USP19: variants seen among roughly 807,000 people sequenced by gnomAD.
The protein encoded by USP19 is ubiquitin specific peptidase 19, also known as ubiquitin carboxyl-terminal hydrolase 19.
In USP19, 40 loss-of-function variants were observed where a neutral mutation model predicts 144.8. The observed-to-expected ratio is 0.28, with a 90% CI of 0.21 to 0.36. USP19 has a LOEUF of 0.36. Among genes scored for constraint, USP19 ranks in the 10% least tolerant of loss-of-function variants. USP19 has a pLI of 1.00. For missense variants in USP19, 1,518 were observed against 1,822.5 expected (o/e 0.83, Z 3.04); for synonymous variants, 701 against 709.3 (o/e 0.99, Z 0.19).
At chr3:49,109,221 G>T (rs1350898571) in intron 26 of USP19, 17 of 1,452,978 alleles carry the variant, frequency 1.2e-5, no homozygotes, top group Middle Eastern at 1.8e-4. Context: ...GCACCCCGGG[G>T]GTGGGGAGGA....
rs770537517 is a variant in USP19, at chr3:49,112,074, A to G, written c.2766-26T>C. 1 of 1,612,474 alleles carries G rather than the reference A, an allele frequency of 6.2e-7. No individual in the cohort carries two copies. Among genetic ancestry groups the G allele is most frequent in the East Asian group, 2.2e-5 (1 of 44,866 alleles). The stretch of plus-strand genomic sequence containing the variant: ...CTGACGGGAAGAGGAAGACAAGGAT[A>G]GGCCCTTAGCCCCATCTCCTATGAC... On this transcript the variant is annotated intron_variant, in intron 19 of 26. Coordinates refer to ENST00000417901, the MANE Select transcript of USP19 (RefSeq NM_001199161.2). This position sits in a 1 kb window ranked among gnomAD's most constrained non-coding sequence, Gnocchi z 4.9.
Position 49,117,021 on chromosome 3 carries a change from C to T in USP19, c.909+38G>A, listed in dbSNP as rs763417597. On this transcript the variant is annotated intron_variant, in intron 6 of 26. Transcript: ENST00000417901. The surrounding 1 kb of genome is among the most constrained non-coding windows in gnomAD (Gnocchi z 4.4). ...CCCACTCCAGTGCACACCCTTTCCC[C>T]CCATCTCCTAACACCCAAACAGGTG... 10 of 1,535,934 alleles carry T rather than the reference C, an allele frequency of 6.5e-6. No homozygotes were observed. Among genetic ancestry groups the T allele is most frequent in the Non-Finnish European group, 8.8e-6 (10 of 1,137,900 alleles).
rs1273594949 is a variant in USP19, at chr3:49,111,199, T to C, written c.3329-33A>G. ...TTCGCAGGGAGAGAGGTCATGCAGC[T>C]GTGGAGAACAGCCAGCTCAACCCAC... On this transcript the variant is annotated intron_variant, in intron 22 of 26. Coordinates refer to ENST00000417901, the MANE Select transcript of USP19 (RefSeq NM_001199161.2). The surrounding 1 kb of genome is among the most constrained non-coding windows in gnomAD (Gnocchi z 5.9). The C allele has an allele frequency of 6.2e-7, 1 of 1,614,036 alleles. No homozygotes were observed. The highest frequency in any genetic ancestry group is 8.5e-7 in the Non-Finnish European group (1 of 1,180,000).
At position 49,112,621 on chromosome 3, in the gene USP19, C is replaced by T. The variant is rs775782709; in HGVS notation, c.2514G>A (p.Lys838=). 4 of 1,612,748 alleles carry T rather than the reference C, an allele frequency of 2.5e-6. No homozygotes were observed. In the Admixed American group the frequency reaches 6.7e-5, roughly 27 times the overall value. Residue 838 remains lysine, a synonymous_variant, in exon 18 of 27, where the codon AAG becomes AAA. Coordinates refer to ENST00000417901, the MANE Select transcript of USP19 (RefSeq NM_001199161.2). This position sits in a 1 kb window ranked among gnomAD's most constrained non-coding sequence, Gnocchi z 4.9. The part of the protein sequence containing the change: ...PENLRLAEVI[K]NRFHRVFLPS... ...GTAGGAACACACGATGAAAACGATTCTTAATTACCTGGGGACAGAGAACAC... is the reference window on the plus strand; with the variant it reads ...GTAGGAACACACGATGAAAACGATTTTTAATTACCTGGGGACAGAGAACAC...
rs1456067752 is a variant in USP19 at position 49,116,919 on chromosome 3, T to C, written c.934A>G (p.Ile312Val). 5 of 1,613,926 alleles carry C rather than the reference T, an allele frequency of 3.1e-6. No individual in the cohort carries two copies. Among genetic ancestry groups the C allele is most frequent in the Admixed American group, 1.7e-5 (1 of 60,022 alleles). ...TQVEADEQLCIPPLNSQTCLL... is the reference protein window; with the variant it reads ...TQVEADEQLCVPPLNSQTCLL... The stretch of plus-strand genomic sequence containing the variant: ...CAGGTTTGGGAGTTCAGCGGTGGTA[T>C]GCAAAGCTGTTCATCAGCCTCAACC... Residue 312 changes from isoleucine to valine, a missense_variant, in exon 7 of 27, where the codon ATA (isoleucine) becomes GTA (valine). Ile to Val is a conservative substitution (Grantham distance 29). Transcript: ENST00000417901. This position sits in a 1 kb window ranked among gnomAD's most constrained non-coding sequence, Gnocchi z 5.0.
rs1483660913 is a variant in USP19, at chr3:49,111,443, C to T, written c.3217+57G>A. On this transcript the variant is annotated intron_variant, in intron 21 of 26. Coordinates refer to ENST00000417901, the MANE Select transcript of USP19 (RefSeq NM_001199161.2). This position sits in a 1 kb window ranked among gnomAD's most constrained non-coding sequence, Gnocchi z 5.9. ...GCCCACCAGGCCCTAAACAACAGCC[C>T]CCTCCATCCTCCCTTATCCTCCTCC... 2 of 1,612,904 alleles carry T rather than the reference C, an allele frequency of 1.2e-6. No individual in the cohort carries two copies. Among genetic ancestry groups the T allele is most frequent in the African/African-American group, 2.7e-5 (2 of 74,904 alleles).
chr3:49,110,647 G>A lies in USP19; in HGVS notation c.3699-43C>T, dbSNP rs141267319. ...TCAGGGAGGGGTGAGACAGGCAACA[G>A]GCGCTCAGGATGCCCATCCTGGTCC... On this transcript the variant is annotated intron_variant, in intron 24 of 26. Transcript: ENST00000417901. This position sits in a 1 kb window ranked among gnomAD's most constrained non-coding sequence, Gnocchi z 6.1. The A allele has an allele frequency of 1.3e-3, 2,161 of 1,611,728 alleles. 29 individuals are homozygous for A. The African/African-American group carries it at 0.025, about 19-fold the overall frequency.
In USP19 at chr3:49,115,828, TCTC is replaced by T. The variant is rs930311418; in HGVS notation, c.1585_1587del (p.Glu529del). 1 of 1,613,728 alleles carries T rather than the reference TCTC, an allele frequency of 6.2e-7. No homozygotes were observed. Among genetic ancestry groups the T allele is most frequent in the African/African-American group, 1.3e-5 (1 of 74,916 alleles). On this transcript the variant is annotated inframe_deletion, in exon 11 of 27. Transcript: ENST00000417901. This position sits in a 1 kb window ranked among gnomAD's most constrained non-coding sequence, Gnocchi z 6.6. ...TCAGATCGTGCCTTGGATTTATCCTTCTCCACAGCCCGGGCCTCCTCCTGGCCT... is the reference window on the plus strand; with the variant it reads ...TCAGATCGTGCCTTGGATTTATCCTTCACAGCCCGGGCCTCCTCCTGGCCT...
At position 49,113,848 on chromosome 3, in the gene USP19, C is replaced by T. The variant is rs146326725; in HGVS notation, c.2505+144G>A. The T allele has an allele frequency of 4.2e-3, 3,579 of 844,138 alleles. 14 individuals are homozygous for T. Among genetic ancestry groups the T allele is most frequent in the Middle Eastern group, 0.013 (37 of 2,822 alleles). 52.3% of individuals were successfully genotyped at this position (844,138 alleles called of 1,614,324 possible). On this transcript the variant is annotated intron_variant, in intron 17 of 26. Transcript: ENST00000417901. ...GGCTCAAGTGATCTGCCCACCTCGG[C>T]CTCACAAAGTGCTGGGACTACAGGC... is the stretch of plus-strand genomic sequence containing the variant.
chr3:49,109,237 T>C (rs2042779603), intron 26 of USP19: 1 of 1,450,194 alleles, frequency 6.9e-7, no homozygotes, highest in Admixed American at 2.9e-5. Context: ...GAGGACCCAG[T>C]GTCCCTGAGA....
chr3:49,113,927 A>C, intron 17 of USP19, 65 bp downstream of exon 17: 1 of 1,528,898 alleles, frequency 6.5e-7, no homozygotes, highest in African/African-American at 1.4e-5. Flanking sequence ...ATGACTGTAC[A>C]CACGTCTGTG....
chr3:49,114,710 C>G lies in USP19; in HGVS notation c.2292+53G>C. ...GCACATGCCTCTGAACCTAATGTGACCAGAATAGCTGAGCTGAACTAGGGG... is the reference window on the plus strand; with the variant it reads ...GCACATGCCTCTGAACCTAATGTGAGCAGAATAGCTGAGCTGAACTAGGGG... On this transcript the variant is annotated intron_variant, in intron 15 of 26. Transcript: ENST00000417901. This position sits in a 1 kb window ranked among gnomAD's most constrained non-coding sequence, Gnocchi z 4.5. 6.3e-7 allele frequency: 1 copy of G among 1,589,304 alleles called. No individual in the cohort carries two copies. The highest frequency in any genetic ancestry group is 8.6e-7 in the Non-Finnish European group (1 of 1,159,008).
rs767488621 is a variant in USP19, at chr3:49,110,952, G to C, written c.3543C>G (p.Ala1181=). 2 of 1,614,038 alleles carry C rather than the reference G, an allele frequency of 1.2e-6. No homozygotes were observed. Among genetic ancestry groups the C allele is most frequent in the East Asian group, 4.5e-5 (2 of 44,876 alleles). ...TRPEVLAPEE[A]WYCPQCKQHR... is the part of the protein sequence containing the mutation. ...TCTACTTGCTGCTCTGTTCTCACCAGGCCTCCTCGGGTGCCAGCACCTCAG... is the reference window on the plus strand; with the variant it reads ...TCTACTTGCTGCTCTGTTCTCACCACGCCTCCTCGGGTGCCAGCACCTCAG... The change falls in exon 23 of 27, where the codon GCC becomes GCG. Residue 1181 remains alanine (A), a splice_region_variant and synonymous_variant. Transcript: ENST00000417901. This position sits in a 1 kb window ranked among gnomAD's most constrained non-coding sequence, Gnocchi z 6.1.
At chr3:49,109,213 A>AC in intron 26 of USP19, 1 of 1,452,578 alleles carries the variant, frequency 6.9e-7, no homozygotes, top group Non-Finnish European at 9.1e-7. Context: ...GGCCATCAGC[A>AC]CCCCGGGGGT....
At chr3:49,109,186 C>G in intron 26 of USP19, 10 of 1,473,384 alleles carry the variant, frequency 6.8e-6, no homozygotes, top group Non-Finnish European at 9.0e-6. Flanking sequence ...TCCGGGAAGC[C>G]TAGGGTATGT....
At position 49,118,093 on chromosome 3, in the gene USP19, G is replaced by T; in HGVS notation, c.152C>A (p.Ala51Asp). Residue 51 changes from alanine (A) to aspartate (D), a missense_variant, in exon 3 of 27, where the codon GCT (alanine) becomes GAT (aspartate). Physicochemically the swap from Ala to Asp is moderately radical, Grantham distance 126. Coordinates refer to ENST00000417901, the MANE Select transcript of USP19 (RefSeq NM_001199161.2). Reference sequence around the variant, plus strand: ...ACCTGAGGCCAGAGGTTCAAGACCAGCCTGGGCAACATATCGAGACCCTGT... The same window carrying T: ...ACCTGAGGCCAGAGGTTCAAGACCATCCTGGGCAACATATCGAGACCCTGT... ...KETGSRYVAQ[A>D]GLEPLASGDP... 1.4e-6 allele frequency: 2 copies of T among 1,469,028 alleles called. No individual in the cohort carries two copies. The highest frequency in any genetic ancestry group is 1.9e-6 in the Non-Finnish European group (2 of 1,074,618). 91.0% of individuals were successfully genotyped at this position (1,469,028 alleles called of 1,614,324 possible). A position where few individuals can be genotyped will look rare whatever the true frequency, so the allele number is the denominator to read the frequency against.
rs542398586 is a variant in USP19, at chr3:49,111,415, C to T, written c.3218-50G>A. On this transcript the variant is annotated intron_variant, in intron 21 of 26. Coordinates refer to ENST00000417901, the MANE Select transcript of USP19 (RefSeq NM_001199161.2). The surrounding 1 kb of genome is among the most constrained non-coding windows in gnomAD (Gnocchi z 5.9). Reference sequence around the variant, plus strand: ...GCTTCCCTGCCCATCAGGGCCTCACCAGGCCCACCAGGCCCTAAACAACAG... The same window carrying T: ...GCTTCCCTGCCCATCAGGGCCTCACTAGGCCCACCAGGCCCTAAACAACAG... 23 of 1,612,002 alleles carry T rather than the reference C, an allele frequency of 1.4e-5. No homozygotes were observed. The Admixed American group carries it at 3.3e-4, about 23-fold the overall frequency.
Position 49,112,662 on chromosome 3 carries a change from G to C in USP19, c.2506-33C>G. ...CAGAGAACACACAGATCCCACGTGA[G>C]GATAAGCCCTTTCCCTAGCCCTGCC... On this transcript the variant is annotated intron_variant, in intron 17 of 26. Coordinates refer to ENST00000417901, the MANE Select transcript of USP19 (RefSeq NM_001199161.2). The surrounding 1 kb of genome is among the most constrained non-coding windows in gnomAD (Gnocchi z 4.9). 1 of 1,595,102 alleles carries C rather than the reference G, an allele frequency of 6.3e-7. No individual in the cohort carries two copies. The highest frequency in any genetic ancestry group is 8.6e-7 in the Non-Finnish European group (1 of 1,167,450).
Position 49,112,154 on chromosome 3 carries a change from C to T in USP19, c.2766-106G>A. On this transcript the variant is annotated intron_variant, in intron 19 of 26. Transcript: ENST00000417901. This position sits in a 1 kb window ranked among gnomAD's most constrained non-coding sequence, Gnocchi z 4.9. ...GGAACTGGGTACGCCAGCCCTGCCT[C>T]CCCCAGAGCCTGGTAAAGTAGGGTG... 3 of 1,546,552 alleles carry T rather than the reference C, an allele frequency of 1.9e-6. No homozygotes were observed. The highest frequency in any genetic ancestry group is 2.6e-6 in the Non-Finnish European group (3 of 1,144,656).
Sources: gnomAD v4.1 joint callset for allele counts on GRCh38, gnomAD v4.1.1 for gene constraint, Gnocchi (gnomAD v3.1) non-coding constraint, MANE v1.5 for transcripts, NCBI Gene and HGNC (gene_info 2026-07-23, HGNC 2026-07-21) for gene names.